SWT1: variants seen among roughly 807,000 people sequenced by gnomAD.
SWT1 encodes SWT1 RNA endoribonuclease homolog, also known as transcriptional protein SWT1.
A neutral mutation model predicts 107.3 loss-of-function variants in SWT1; 33 were observed. That is an observed-to-expected ratio of 0.31 (90% CI 0.23 to 0.41). SWT1 has a LOEUF of 0.41. SWT1 is among the 10% of genes least tolerant of loss of function. SWT1 has a pLI of 1.00. For synonymous variants in SWT1, 345 were observed against 348.3 expected, an observed-to-expected ratio of 0.99 and a Z score of 0.11; for missense variants, 898 against 1,028.9, an observed-to-expected ratio of 0.87 and a Z score of 1.74.
intron 5 of SWT1, among the ~76,000 whole-genome samples, chr1:185,175,426 C>T (rs1407396531): frequency 6.6e-6 from 1 of 152,022 alleles, no homozygotes; most frequent in Non-Finnish European, 1.5e-5. Flanking sequence ...GAGGTTTCAC[C>T]ATGTTGCTTA....
chr1:185,178,405 T>A (rs1364832113), intron 5 of SWT1, among the ~76,000 whole-genome samples: 1 of 152,218 alleles, frequency 6.6e-6, no homozygotes, highest in African/African-American at 2.4e-5. Flanking sequence ...AGAGAGCCAC[T>A]GAACCACAGT....
rs538674599 is a variant in SWT1, at chr1:185,270,504, C to T, written c.2442-819C>T. Among the ~76,000 whole-genome samples, 21 of 152,102 alleles carry T rather than the reference C, an allele frequency of 1.4e-4. No homozygotes were observed. The South Asian group carries it at 2.1e-3, about 15-fold the overall frequency. ...ATCCCTTGAGTCCAGACGTTTGAGA[C>T]GGGCCTGGGCAACATGGGGAGACCT... On this transcript the variant is annotated intron_variant, in intron 16 of 18. Coordinates refer to ENST00000367500, the MANE Select transcript of SWT1 (RefSeq NM_017673.7).
At chr1:185,171,576 T>C in intron 4 of SWT1, 1 of 462,592 alleles carries the variant, frequency 2.2e-6, no homozygotes, top group Non-Finnish European at 4.2e-6. Flanking sequence ...TTTGATCCTC[T>C]CTTGCAAAAA....
At chr1:185,234,885 A>G (rs1012080221) in intron 16 of SWT1, among the ~76,000 whole-genome samples, 18 of 150,968 alleles carry the variant, frequency 1.2e-4, no homozygotes, top group Non-Finnish European at 2.5e-4. Context: ...GGATATCACC[A>G]CCAATCCCAC....
chr1:185,290,653 T>G, intron 18 of SWT1, 21 bp from the exon 19 acceptor site: 1 of 1,550,770 alleles, frequency 6.4e-7, no homozygotes, highest in Non-Finnish European at 8.7e-7. Context: ...TGCAATGATT[T>G]AATATTTCTT....
intron 18 of SWT1, among the ~76,000 whole-genome samples, chr1:185,279,236 T>G (rs1329321720): frequency 6.6e-6 from 1 of 152,208 alleles, no homozygotes; most frequent in African/African-American, 2.4e-5. Flanking sequence ...GCCGTATTTT[T>G]TAGTGTAAAA....
intron 9 of SWT1, among the ~76,000 whole-genome samples, chr1:185,188,177 A>G (rs1442069896): frequency 6.0e-5 from 9 of 150,538 alleles, no homozygotes; most frequent in Admixed American, 5.9e-4. Context: ...CGGAGTCTTT[A>G]TTTTGTTCAC....
intron 4 of SWT1, chr1:185,171,498 ATGG>A: frequency 6.4e-6 from 2 of 314,350 alleles, no homozygotes; most frequent in South Asian, 5.4e-5. Flanking sequence ...CTCGGAAGTC[ATGG>A]TGATCTTGCC....
intron 2 of SWT1, among the ~76,000 whole-genome samples, chr1:185,164,498 G>A (rs866711631): frequency 1.5e-4 from 23 of 152,188 alleles, no homozygotes; most frequent in African/African-American, 5.1e-4. Context: ...TTGAAAATCC[G>A]TTGTTTAGTG....
intron 16 of SWT1, among the ~76,000 whole-genome samples, chr1:185,247,857 T>TAG (rs1170283652): frequency 6.6e-6 from 1 of 152,240 alleles, no homozygotes; most frequent in East Asian, 1.9e-4. Context: ...AATTTGCTTC[T>TAG]AGAAGTGTTT....
chr1:185,186,475 GCATTATTT>G (rs1656473495), intron 9 of SWT1, among the ~76,000 whole-genome samples: 1 of 152,058 alleles, frequency 6.6e-6, no homozygotes, highest in African/African-American at 2.4e-5. Context: ...GTTCATTATA[GCATTATTT>G]ATGTAACAAA....
intron 5 of SWT1, among the ~76,000 whole-genome samples, chr1:185,178,749 G>A (rs1655783192): frequency 6.6e-6 from 1 of 152,012 alleles, no homozygotes; most frequent in Non-Finnish European, 1.5e-5. Flanking sequence ...ACTTCTTAAA[G>A]AGAACTTTAA....
rs146588143 is a variant in SWT1, at chr1:185,226,883, G to A, written c.2310-4694G>A. ...CTACCCGATCTTTCTTCTGAGCAAT[G>A]GACATTTTGGGACAGTTCCACCTCT... On this transcript the variant is annotated intron_variant, in intron 15 of 18. Transcript: ENST00000367500. 5.3e-4 allele frequency: 760 copies of A among 1,421,908 alleles called. 9 individuals carry two copies. The East Asian group carries it at 0.017, about 31-fold the overall frequency. 88.1% of individuals were successfully genotyped at this position (1,421,908 alleles called of 1,614,324 possible). A position where few individuals can be genotyped will look rare whatever the true frequency, so the allele number is the denominator to read the frequency against.
chr1:185,204,570 A>G, intron 11 of SWT1, 130 bp from the exon 12 acceptor site: 1 of 413,760 alleles, frequency 2.4e-6, no homozygotes, highest in Non-Finnish European at 4.2e-6. Context: ...TGAAAATAAA[A>G]TATTTGTTTG....
chr1:185,245,988 G>A (rs767259730), intron 16 of SWT1, among the ~76,000 whole-genome samples: 3 of 152,028 alleles, frequency 2.0e-5, no homozygotes, highest in Admixed American at 6.5e-5. Context: ...GGCTGGTCTT[G>A]AATTCCTGAC....
At chr1:185,169,746 T>TC (rs1291080475) in intron 4 of SWT1, among the ~76,000 whole-genome samples, 9 of 151,808 alleles carry the variant, frequency 5.9e-5, no homozygotes, top group African/African-American at 1.9e-4. Context: ...AATTTTTTTT[T>TC]CAGAACTTAA....
rs1361419413 is a variant in SWT1, at chr1:185,181,800, T to C, written c.1027-146T>C. 6.6e-6 allele frequency: 5 copies of C among 759,966 alleles called. No individual in the cohort carries two copies. The East Asian group carries it at 1.4e-4, about 21-fold the overall frequency. The allele number at this position is 759,966 out of a possible 1,614,324, so 47.1% of individuals were successfully genotyped here. Reference sequence around the variant, plus strand: ...CACGTGTGTGTTTATAAATCTTTGTTCTTTTACTATGCTCCTTCAGAGTTT... The same window carrying C: ...CACGTGTGTGTTTATAAATCTTTGTCCTTTTACTATGCTCCTTCAGAGTTT... On this transcript the variant is annotated intron_variant, in intron 6 of 18. Coordinates refer to ENST00000367500, the MANE Select transcript of SWT1 (RefSeq NM_017673.7).
chr1:185,273,789 G>T lies in SWT1; in HGVS notation c.2508+2400G>T, dbSNP rs1016840510. Among the ~76,000 whole-genome samples, 5 of 152,264 alleles carry T rather than the reference G, an allele frequency of 3.3e-5. No individual in the cohort carries two copies. The South Asian group carries it at 6.2e-4, about 19-fold the overall frequency. On this transcript the variant is annotated intron_variant, in intron 17 of 18. Coordinates refer to ENST00000367500, the MANE Select transcript of SWT1 (RefSeq NM_017673.7). ...TTAAGAGAACTTCCTCTTTTGAAAT[G>T]ATTCATATAATTATTTCATCTTACT...
At chr1:185,182,664 C>T (rs114740331) in intron 7 of SWT1, among the ~76,000 whole-genome samples, 1 of 96,784 alleles carries the variant, frequency 1.0e-5, no homozygotes, top group Non-Finnish European at 2.0e-5. Context: ...GACCCTCTCT[C>T]TCTCAAAAAA....
Sources: allele counts gnomAD v4.1 joint callset (sites outside exome capture counted in the v4.1 genomes callset), GRCh38; gene constraint gnomAD v4.1.1; transcripts MANE v1.5; gene names NCBI Gene and HGNC (gene_info 2026-07-23, HGNC 2026-07-21).